Variants in DAB1 observed in about 807,000 individuals in gnomAD.
The protein encoded by DAB1 is DAB adaptor protein 1, also known as disabled homolog 1.
A neutral mutation model predicts 64.6 loss-of-function variants in DAB1; 15 were observed. The observed-to-expected ratio is 0.23, with a 90% CI of 0.16 to 0.36. The LOEUF (loss-of-function observed/expected upper bound fraction) is 0.36, where lower values mean the gene tolerates loss of function less well. DAB1 is among the 10% of genes least tolerant of loss of function. DAB1 has a pLI of 1.00. For missense variants in DAB1, 596 were observed against 706.7 expected (o/e 0.84, Z 1.78); for synonymous variants, 235 against 251.9 (o/e 0.93, Z 0.64).
Position 57,010,784 on chromosome 1 carries a change from C to A in DAB1, c.1579G>T (p.Gly527Ter). The A allele has an allele frequency of 1.3e-6, 2 of 1,571,630 alleles. No individual in the cohort carries two copies. The highest frequency in any genetic ancestry group is 8.6e-7 in the Non-Finnish European group (1 of 1,158,050). ...SKSEEQEAPD[G>*]SQASSNSDPF... is the part of the protein sequence containing the mutation. ...TCACTGTTGGATGAGGCCTGTGATCCATCAGGCTAGAACACAAGAAGATAA... is the reference window on the plus strand; with the variant it reads ...TCACTGTTGGATGAGGCCTGTGATCAATCAGGCTAGAACACAAGAAGATAA... Residue 527 changes from glycine to a stop codon, truncating the protein, a stop_gained, in exon 14 of 15, where the codon GGA (glycine) becomes TGA (stop). Coordinates refer to ENST00000371236, the MANE Select transcript of DAB1 (RefSeq NM_001365792.1). LOFTEE classifies it high-confidence loss of function.
chr1:57,101,520 A>G (rs1654681331), intron 4 of DAB1, among the ~76,000 whole-genome samples: 1 of 152,188 alleles, frequency 6.6e-6, no homozygotes, highest in African/African-American at 2.4e-5. Context: ...AAATCCAATC[A>G]TCTCCAGGCA....
intron 7 of DAB1, among the ~76,000 whole-genome samples, chr1:57,553,250 A>G (rs886405763): frequency 2.1e-4 from 32 of 151,420 alleles, no homozygotes; most frequent in African/African-American, 7.5e-4. Context: ...TATCTATACT[A>G]TGGGTCTAAA....
chr1:58,398,055 T>C (rs1644537827), intron 3 of DAB1, among the ~76,000 whole-genome samples: 1 of 152,146 alleles, frequency 6.6e-6, no homozygotes, highest in South Asian at 2.1e-4. Flanking sequence ...AACAGAGCCC[T>C]GGCACTGCGC....
At chr1:57,964,123 G>C (rs998897493) in intron 5 of DAB1, among the ~76,000 whole-genome samples, 1 of 152,120 alleles carries the variant, frequency 6.6e-6, no homozygotes, top group Non-Finnish European at 1.5e-5. Flanking sequence ...TAACAGAACT[G>C]GGTGATTTCC....
intron 8 of DAB1, among the ~76,000 whole-genome samples, chr1:57,067,791 T>C (rs751956633): frequency 6.6e-6 from 1 of 152,208 alleles, no homozygotes; most frequent in Non-Finnish European, 1.5e-5. Flanking sequence ...TTGATACTTG[T>C]ACTAAAATAC....
intron 4 of DAB1, among the ~76,000 whole-genome samples, chr1:57,111,980 A>C (rs1655701135): frequency 6.6e-6 from 1 of 152,012 alleles, no homozygotes; most frequent in African/African-American, 2.4e-5. Flanking sequence ...TACCTTTGAA[A>C]CCTCAGTTTC....
At chr1:58,178,775 T>C (rs1215070014) in intron 4 of DAB1, among the ~76,000 whole-genome samples, 1 of 152,216 alleles carries the variant, frequency 6.6e-6, no homozygotes, top group African/African-American at 2.4e-5. Flanking sequence ...TCCATTCTTG[T>C]TTGTGGGCTG....
chr1:58,205,075 T>C (rs1658194060), intron 4 of DAB1, among the ~76,000 whole-genome samples: 2 of 152,188 alleles, frequency 1.3e-5, no homozygotes, highest in Non-Finnish European at 2.9e-5. Flanking sequence ...TGAAGTCACT[T>C]GCTCGAGGTC....
intron 7 of DAB1, among the ~76,000 whole-genome samples, chr1:57,555,684 G>T (rs1447582907): frequency 6.6e-6 from 1 of 152,142 alleles, no homozygotes; most frequent in Non-Finnish European, 1.5e-5. Flanking sequence ...TTGGGACTCA[G>T]TGAGTGATTT....
intron 2 of DAB1, among the ~76,000 whole-genome samples, chr1:57,273,088 C>A (rs1415800057): frequency 6.6e-6 from 1 of 152,174 alleles, no homozygotes; most frequent in Non-Finnish European, 1.5e-5. Flanking sequence ...ACCTTTTAAC[C>A]CATCTTTGCC....
intron 4 of DAB1, among the ~76,000 whole-genome samples, chr1:58,188,835 G>T (rs1657232326): frequency 6.6e-6 from 1 of 152,202 alleles, no homozygotes; most frequent in South Asian, 2.1e-4. Flanking sequence ...TATGACCAAA[G>T]CTGAAGGTAG....
chr1:58,429,165 G>T (rs922219556), intron 3 of DAB1, among the ~76,000 whole-genome samples: 3 of 152,156 alleles, frequency 2.0e-5, no homozygotes, highest in Admixed American at 2.0e-4. Flanking sequence ...CAGCACTTTG[G>T]GGGGCCAAGG....
intron 3 of DAB1, among the ~76,000 whole-genome samples, chr1:58,497,361 T>C (rs116790145): frequency 0.011 from 1,719 of 152,270 alleles, 23 homozygotes; most frequent in Non-Finnish European, 0.018. Context: ...TACAGAAATC[T>C]GATGTAGACA....
chr1:58,489,325 CCA>C (rs1264716461), intron 3 of DAB1, among the ~76,000 whole-genome samples: 1 of 152,184 alleles, frequency 6.6e-6, no homozygotes, highest in Admixed American at 6.5e-5. Flanking sequence ...GGTCCTACGC[CCA>C]CAGAGCCTCG....
intron 1 of DAB1, among the ~76,000 whole-genome samples, chr1:57,357,272 A>C (rs959102446): frequency 1.3e-5 from 2 of 152,022 alleles, no homozygotes; most frequent in African/African-American, 4.8e-5. Context: ...AAAAAATAAT[A>C]CTGACAACAA....
At chr1:57,919,269 T>C (rs1383828508) in intron 5 of DAB1, among the ~76,000 whole-genome samples, 1 of 152,220 alleles carries the variant, frequency 6.6e-6, no homozygotes, top group Non-Finnish European at 1.5e-5. Context: ...TCCTTTTTTA[T>C]CCCAGCACTG....
At chr1:57,624,332 C>T (rs1645897033) in intron 7 of DAB1, among the ~76,000 whole-genome samples, 1 of 152,118 alleles carries the variant, frequency 6.6e-6, no homozygotes, top group Non-Finnish European at 1.5e-5. Flanking sequence ...CTGCCACTTA[C>T]CAGCTATATG....
chr1:57,862,836 T>C (rs1333026912), intron 1 of DAB1: 1 of 152,194 alleles, frequency 6.6e-6, no homozygotes, highest in Middle Eastern at 3.2e-3. Context: ...GGAAGGAATG[T>C]AAAATGCTAA....
intron 1 of DAB1, among the ~76,000 whole-genome samples, chr1:57,421,772 A>G (rs954708495): frequency 2.6e-5 from 4 of 151,974 alleles, no homozygotes; most frequent in Non-Finnish European, 5.9e-5. Context: ...ATTGCTTAGA[A>G]GTTGACTTTT....
Sources: allele counts gnomAD v4.1 joint callset (sites outside exome capture counted in the v4.1 genomes callset), GRCh38; gene constraint gnomAD v4.1.1; transcripts MANE v1.5; gene names NCBI Gene and HGNC (gene_info 2026-07-23, HGNC 2026-07-21).